The following RAPGEF6 variants were observed in gnomAD, a reference collection of about 807,000 sequenced individuals.
The protein encoded by RAPGEF6 is Rap guanine nucleotide exchange factor 6.
Under a neutral mutation model 171.4 loss-of-function variants are expected in RAPGEF6, and 56 were observed. The observed-to-expected ratio is 0.33, with a 90% confidence interval of 0.26 to 0.41. RAPGEF6 has a LOEUF of 0.41. Ranked by LOEUF, RAPGEF6 falls within the 10% of genes least tolerant of loss-of-function variation. The probability of loss-of-function intolerance (pLI) is 1.00; values close to 1 mark genes in which losing one functional copy is unlikely to be tolerated. For synonymous variants in RAPGEF6, 692 were observed against 650.1 expected, an observed-to-expected ratio of 1.06 and a Z score of -0.98; for missense variants, 1,674 against 1,921.4, an observed-to-expected ratio of 0.87 and a Z score of 2.41.
At position 131,427,028 on chromosome 5, in the gene RAPGEF6, C is replaced by A; in HGVS notation, c.*238G>T. ...GTGGTCCCAAGGCAGTTCCGGCGTG[C>A]AAAGTGGAGACTGGTATCCAGGCAT... On this transcript the variant is annotated 3_prime_UTR_variant, in exon 28 of 28. Transcript: ENST00000509018. The A allele has an allele frequency of 1.9e-6, 1 of 531,350 alleles. No homozygotes were observed. 32.9% of individuals were successfully genotyped at this position (531,350 alleles called of 1,614,324 possible). A position where few individuals can be genotyped will look rare whatever the true frequency, so the allele number is the denominator to read the frequency against.
intron 6 of RAPGEF6, among the ~76,000 whole-genome samples, chr5:131,533,313 T>G (rs1759535501): frequency 6.6e-6 from 1 of 152,122 alleles, no homozygotes; most frequent in Admixed American, 6.6e-5. Flanking sequence ...AAATCCATTT[T>G]GATTTTTAAT....
chr5:131,616,644 T>C (rs1318141475), intron 1 of RAPGEF6, among the ~76,000 whole-genome samples: 1 of 152,214 alleles, frequency 6.6e-6, no homozygotes, highest in Non-Finnish European at 1.5e-5. Flanking sequence ...TACAACGTTT[T>C]TTCTCTGACA....
intron 5 of RAPGEF6, among the ~76,000 whole-genome samples, chr5:131,554,389 C>T (rs539415261): frequency 6.6e-6 from 1 of 152,034 alleles, no homozygotes; most frequent in Non-Finnish European, 1.5e-5. Context: ...ATATTAAATA[C>T]GTGGTTAAAT....
chr5:131,633,943 T>C (rs896345430), intron 1 of RAPGEF6, among the ~76,000 whole-genome samples: 4 of 152,258 alleles, frequency 2.6e-5, no homozygotes, highest in South Asian at 4.1e-4. Flanking sequence ...CTCTGGAAAG[T>C]GGTAGAATTT....
chr5:131,550,180 G>A (rs1234657374), intron 5 of RAPGEF6, among the ~76,000 whole-genome samples: 1 of 152,004 alleles, frequency 6.6e-6, no homozygotes, highest in African/African-American at 2.4e-5. Context: ...CCAAACCACA[G>A]CAATAGGTGA....
intron 1 of RAPGEF6, among the ~76,000 whole-genome samples, chr5:131,615,370 T>C (rs1580681554): frequency 4.6e-5 from 7 of 152,216 alleles, no homozygotes; most frequent in Admixed American, 2.6e-4. Flanking sequence ...GAGTCTGTAA[T>C]GCTGAGCTTG....
intron 19 of RAPGEF6, among the ~76,000 whole-genome samples, chr5:131,459,967 A>C (rs1386207952): frequency 6.6e-6 from 1 of 152,212 alleles, no homozygotes; most frequent in Non-Finnish European, 1.5e-5. Flanking sequence ...GTTGTTAATT[A>C]TAGCCAGAAC....
chr5:131,602,034 CAA>C (rs11400631), intron 3 of RAPGEF6, among the ~76,000 whole-genome samples: 6 of 124,152 alleles, frequency 4.8e-5, no homozygotes, highest in East Asian at 2.5e-4. Context: ...GACTCCGTCT[CAA>C]AAAAAAAAAA....
In RAPGEF6 at chr5:131,610,649, T is replaced by A. The variant is rs1764881168; in HGVS notation, c.70-5956A>T. Among the ~76,000 whole-genome samples, 5 of 152,144 alleles carry A rather than the reference T, an allele frequency of 3.3e-5. No homozygotes were observed. The South Asian group carries it at 1.0e-3, about 32-fold the overall frequency. ...ACTGAGACCTGCAGAGCTGATTATG[T>A]GAGGAGAAAACAAAATGCATAGTGG... On this transcript the variant is annotated intron_variant, in intron 1 of 27. Transcript: ENST00000509018.
chr5:131,518,534 AT>A (rs1376877725), intron 7 of RAPGEF6, among the ~76,000 whole-genome samples: 1 of 151,670 alleles, frequency 6.6e-6, no homozygotes, highest in East Asian at 1.9e-4. Flanking sequence ...AGTAGCTGGG[AT>A]TACAGGCATG....
In RAPGEF6 at chr5:131,519,427, A is replaced by T. The variant is rs547405847; in HGVS notation, c.627+1963T>A. Among the ~76,000 whole-genome samples the T allele has an allele frequency of 4.6e-5, 7 of 152,208 alleles. No individual in the cohort carries two copies. The East Asian group carries it at 1.4e-3, about 29-fold the overall frequency. On this transcript the variant is annotated intron_variant, in intron 7 of 27. Coordinates refer to ENST00000509018, the MANE Select transcript of RAPGEF6 (RefSeq NM_016340.6). Reference sequence around the variant, plus strand: ...TGTCTTTTCTTCTTTTTTGAGACAGAGTCTTGCTCTGTCGGCCAGGCTGGA... The same window carrying T: ...TGTCTTTTCTTCTTTTTTGAGACAGTGTCTTGCTCTGTCGGCCAGGCTGGA...
intron 17 of RAPGEF6, among the ~76,000 whole-genome samples, chr5:131,470,283 T>C (rs1754653596): frequency 6.6e-6 from 1 of 152,234 alleles, no homozygotes; most frequent in South Asian, 2.1e-4. Flanking sequence ...TTATCTTTAG[T>C]CCTTTAAACA....
At chr5:131,578,544 A>T (rs576047910) in intron 4 of RAPGEF6, among the ~76,000 whole-genome samples, 1 of 152,206 alleles carries the variant, frequency 6.6e-6, no homozygotes, top group African/African-American at 2.4e-5. Context: ...GCATCTACTT[A>T]TGGCACCTTT....
Position 131,425,558 on chromosome 5 carries a change from C to T in RAPGEF6, c.*1708G>A, listed in dbSNP as rs940574759. The T allele has an allele frequency of 2.0e-5, 3 of 152,236 alleles. No homozygotes were observed. Among genetic ancestry groups the T allele is most frequent in the East Asian group, 3.7e-4 (2 of 5,344 alleles). The allele number at this position is 152,236 out of a possible 1,614,324, so 9.4% of individuals were successfully genotyped here. Reference sequence around the variant, plus strand: ...ACCAAGCCTCATTCTATCATACCTGCGATTAATTTCTAAGGCTTAAGTTTC... The same window carrying T: ...ACCAAGCCTCATTCTATCATACCTGTGATTAATTTCTAAGGCTTAAGTTTC... On this transcript the variant is annotated 3_prime_UTR_variant, in exon 28 of 28. Transcript: ENST00000509018.
intron 6 of RAPGEF6, among the ~76,000 whole-genome samples, chr5:131,538,913 T>C (rs897834826): frequency 9.8e-5 from 15 of 152,322 alleles, no homozygotes; most frequent in Admixed American, 7.8e-4. Flanking sequence ...AAGAATTCCA[T>C]ATTATTTCCT....
At chr5:131,493,642 G>A (rs1756442741) in intron 13 of RAPGEF6, among the ~76,000 whole-genome samples, 1 of 151,360 alleles carries the variant, frequency 6.6e-6, no homozygotes, top group African/African-American at 2.4e-5. Flanking sequence ...GTGTTAATAT[G>A]TGCAAATCTC....
At chr5:131,452,099 T>A (rs918230357) in intron 21 of RAPGEF6, among the ~76,000 whole-genome samples, 207 of 151,980 alleles carry the variant, frequency 1.4e-3, no homozygotes, top group South Asian at 3.7e-3. Flanking sequence ...AGGCGCCTGT[T>A]GTTCCAGCTA....
At chr5:131,631,871 T>C (rs1766328200) in intron 1 of RAPGEF6, among the ~76,000 whole-genome samples, 1 of 152,002 alleles carries the variant, frequency 6.6e-6, no homozygotes, top group African/African-American at 2.4e-5. Flanking sequence ...GGACAAGAGA[T>C]TGAGGCCATC....
chr5:131,435,849 AC>A, intron 24 of RAPGEF6: 2 of 1,429,430 alleles, frequency 1.4e-6, no homozygotes, highest in Non-Finnish European at 1.8e-6. Flanking sequence ...ATAGTATTTT[AC>A]TAAGTTGTCT....
Sources: gnomAD v4.1 joint callset for allele counts (sites outside exome capture counted in the v4.1 genomes callset) on GRCh38, gnomAD v4.1.1 for gene constraint, MANE v1.5 for transcripts, NCBI Gene and HGNC (gene_info 2026-07-23, HGNC 2026-07-21) for gene names.